The following NGLY1 variants were observed in gnomAD, a reference collection of about 807,000 sequenced individuals.
NGLY1 encodes peptide-N(4)-(N-acetyl-beta-glucosaminyl)asparagine amidase.
A neutral mutation model predicts 84.6 loss-of-function variants in NGLY1; 68 were observed. The observed-to-expected ratio is 0.80, with a 90% CI of 0.66 to 0.98. The LOEUF (loss-of-function observed/expected upper bound fraction) is 0.98. Among genes scored for constraint, NGLY1 ranks in the 50% least tolerant of loss-of-function variants. The pLI is 0.00. For synonymous variants in NGLY1, 280 were observed against 275.2 expected (o/e 1.02, Z -0.17); for missense variants, 779 against 770.2 (o/e 1.01, Z -0.14).
At chr3:25,775,504 G>A (rs1048195488) in intron 2 of NGLY1, among the ~76,000 whole-genome samples, 2 of 152,142 alleles carry the variant, frequency 1.3e-5, no homozygotes, top group Non-Finnish European at 2.9e-5. Flanking sequence ...GATGGAAATG[G>A]AGGGACATTA....
chr3:25,768,561 CTTTTTTT>C (rs752193155), intron 2 of NGLY1, among the ~76,000 whole-genome samples: 2 of 116,348 alleles, frequency 1.7e-5, no homozygotes, highest in African/African-American at 6.3e-5. Flanking sequence ...ATAAGTAAGA[CTTTTTTT>C]TTTTTTTTTT....
At chr3:25,735,385 A>C (rs983104915) in intron 7 of NGLY1, 3 of 152,248 alleles carry the variant, frequency 2.0e-5, no homozygotes, top group Non-Finnish European at 4.4e-5. Context: ...CAATTAAAAA[A>C]AATAAGCAAA....
At chr3:25,733,517 A>G (rs867303726) in intron 8 of NGLY1, among the ~76,000 whole-genome samples, 47 of 115,850 alleles carry the variant, frequency 4.1e-4, no homozygotes, top group African/African-American at 1.2e-3. Context: ...GTGTGTGTGT[A>G]TGTACATACA....
intron 3 of NGLY1, chr3:25,755,545 C>G (rs1158176939): frequency 7.1e-7 from 1 of 1,417,504 alleles, no homozygotes; most frequent in African/African-American, 1.4e-5. Context: ...CAAAATGTTC[C>G]AACTAATCCC....
chr3:25,742,391 T>G (rs1295951047), intron 4 of NGLY1, among the ~76,000 whole-genome samples: 2 of 152,162 alleles, frequency 1.3e-5, no homozygotes, highest in Non-Finnish European at 2.9e-5. Flanking sequence ...AGCTGTCCAA[T>G]ACATATTTGT....
intron 3 of NGLY1, among the ~76,000 whole-genome samples, chr3:25,759,819 G>A (rs1707217778): frequency 6.6e-6 from 1 of 151,568 alleles, no homozygotes; most frequent in Non-Finnish European, 1.5e-5. Context: ...ATATATTTAA[G>A]ACTTCATAAG....
At position 25,733,944 on chromosome 3, in the gene NGLY1, T is replaced by C. The variant is rs769893582; in HGVS notation, c.1188A>G (p.Glu396=). The C allele has an allele frequency of 3.1e-6, 5 of 1,613,850 alleles. No individual in the cohort carries two copies. The South Asian group carries it at 3.3e-5, about 11-fold the overall frequency. The change falls in exon 8 of 12, where the codon GAA becomes GAG. Residue 396 remains glutamate, a synonymous_variant. Coordinates refer to ENST00000280700, the MANE Select transcript of NGLY1 (RefSeq NM_018297.4). ...CCTTAGTTCTTCTGGCAATCACCTC[T>C]TCATGTTTGCAGGAATATCGCCAAG... The part of the protein sequence containing the change: ...DVTWRYSCKH[E]EVIARRTKVK...
chr3:25,738,612 C>T (rs1177691569), intron 5 of NGLY1, among the ~76,000 whole-genome samples: 1 of 151,856 alleles, frequency 6.6e-6, no homozygotes, highest in Non-Finnish European at 1.5e-5. Context: ...GAATTTATAA[C>T]TTAGGTAATT....
At chr3:25,730,325 C>A (rs912336967) in intron 9 of NGLY1, 1 of 151,974 alleles carries the variant, frequency 6.6e-6, no homozygotes, top group Non-Finnish European at 1.5e-5. Flanking sequence ...AAACAAACAT[C>A]CATTTCTAAA....
At chr3:25,743,736 T>G (rs188980490) in intron 4 of NGLY1, among the ~76,000 whole-genome samples, 4 of 152,276 alleles carry the variant, frequency 2.6e-5, no homozygotes, top group Non-Finnish European at 5.9e-5. Context: ...GAATTGTAAT[T>G]GTTCACCAAA....
At position 25,763,170 on chromosome 3, in the gene NGLY1, A is replaced by T. The variant is rs143932484; in HGVS notation, c.492+896T>A. On this transcript the variant is annotated intron_variant, in intron 3 of 11. Transcript: ENST00000280700. ...AAGAAAAGAAGTTTAAACAAGATTA[A>T]GAAAATGTGAATGGCTTTCCTGAGC... Among the ~76,000 whole-genome samples the T allele has an allele frequency of 4.3e-3, 653 of 152,270 alleles. 20 individuals carry two copies. Among genetic ancestry groups the T allele is most frequent in the Admixed American group, 0.036 (556 of 15,288 alleles).
intron 2 of NGLY1, among the ~76,000 whole-genome samples, chr3:25,773,425 TC>T (rs1707993822): frequency 6.6e-6 from 1 of 152,208 alleles, no homozygotes; most frequent in African/African-American, 2.4e-5. Flanking sequence ...GTTGAAACTT[TC>T]CGATGCATTC....
At chr3:25,751,400 C>T in intron 3 of NGLY1, 137 bp from the exon 4 acceptor site, 1 of 678,052 alleles carries the variant, frequency 1.5e-6, no homozygotes, top group East Asian at 3.0e-5. Flanking sequence ...TAATTATACC[C>T]ATAAACTTCA....
chr3:25,748,435 G>A (rs527644732), intron 4 of NGLY1, among the ~76,000 whole-genome samples: 1 of 152,232 alleles, frequency 6.6e-6, no homozygotes, highest in South Asian at 2.1e-4. Flanking sequence ...AAGCAAACAA[G>A]AAAACAACTC....
At chr3:25,778,837 G>T in intron 1 of NGLY1, 149 bp from the exon 2 acceptor site, 7 of 300,730 alleles carry the variant, frequency 2.3e-5, no homozygotes, top group Non-Finnish European at 3.2e-5. Context: ...TTTACTATAA[G>T]TAAAAACAGT....
In NGLY1 at chr3:25,749,501, G is replaced by C. The variant is rs553473894; in HGVS notation, c.658+1597C>G. The C allele has an allele frequency of 9.5e-6, 15 of 1,575,834 alleles. No individual in the cohort carries two copies. The South Asian group carries it at 1.7e-4, about 17-fold the overall frequency. Reference sequence around the variant, plus strand: ...CTCTTCGGCCTCATGGCCGCCCTCAGACCCCTTGTGAAGCCCAAGATCATC... The same window carrying C: ...CTCTTCGGCCTCATGGCCGCCCTCACACCCCTTGTGAAGCCCAAGATCATC... On this transcript the variant is annotated intron_variant, in intron 4 of 11. Transcript: ENST00000280700.
chr3:25,769,613 T>C (rs1377448460), intron 2 of NGLY1, among the ~76,000 whole-genome samples: 1 of 152,228 alleles, frequency 6.6e-6, no homozygotes, highest in South Asian at 2.1e-4. Context: ...CAAATTAGTA[T>C]GTAAACTAAG....
At chr3:25,767,440 A>C (rs1707642278) in intron 2 of NGLY1, among the ~76,000 whole-genome samples, 1 of 152,212 alleles carries the variant, frequency 6.6e-6, no homozygotes, top group Non-Finnish European at 1.5e-5. Flanking sequence ...AGTCAATAAA[A>C]CAACCAAACT....
At chr3:25,752,611 C>A (rs1174650708) in intron 3 of NGLY1, among the ~76,000 whole-genome samples, 1 of 150,238 alleles carries the variant, frequency 6.7e-6, no homozygotes, top group Non-Finnish European at 1.5e-5. Flanking sequence ...AGTTCTAGGC[C>A]AACCTGGGTA....
Sources: allele counts gnomAD v4.1 joint callset (sites outside exome capture counted in the v4.1 genomes callset), GRCh38; gene constraint gnomAD v4.1.1; transcripts MANE v1.5; gene names NCBI Gene and HGNC (gene_info 2026-07-23, HGNC 2026-07-21).